The following CNTN3 variants were observed in gnomAD, a reference collection of about 807,000 sequenced individuals.
CNTN3 encodes the protein contactin 3.
In CNTN3, 60 loss-of-function variants were observed where a neutral mutation model predicts 119.1. That is an observed-to-expected ratio of 0.50 (90% CI 0.41 to 0.62). The LOEUF (loss-of-function observed/expected upper bound fraction) is 0.62. Ranked by LOEUF, CNTN3 falls within the 20% of genes least tolerant of loss-of-function variation. The pLI, the probability that CNTN3 is intolerant of heterozygous loss-of-function variation, is 0.00. For missense variants in CNTN3, 1,101 were observed against 1,242.4 expected (o/e 0.89, Z 1.71); for synonymous variants, 450 against 438.7 (o/e 1.03, Z -0.32).
At chr3:74,293,634 C>A (rs1335172102) in intron 19 of CNTN3, among the ~76,000 whole-genome samples, 1 of 152,110 alleles carries the variant, frequency 6.6e-6, no homozygotes, top group Admixed American at 6.6e-5. Context: ...GTCACCATGC[C>A]TGGCTAATTT....
chr3:74,475,710 T>TG (rs1702642054), intron 4 of CNTN3, among the ~76,000 whole-genome samples: 1 of 152,186 alleles, frequency 6.6e-6, no homozygotes. Context: ...ATACAGTCAA[T>TG]TTTTCTTCTT....
At chr3:74,514,999 T>C (rs1703427695) in intron 2 of CNTN3, among the ~76,000 whole-genome samples, 1 of 152,040 alleles carries the variant, frequency 6.6e-6, no homozygotes, top group Admixed American at 6.6e-5. Context: ...AAATGGTCCT[T>C]AGAAATGAAT....
At chr3:74,318,037 C>A (rs1478745556) in intron 13 of CNTN3, among the ~76,000 whole-genome samples, 1 of 152,158 alleles carries the variant, frequency 6.6e-6, no homozygotes. Flanking sequence ...TTGTTCGTTT[C>A]TTTCTATTCT....
At chr3:74,435,124 C>T (rs1701845324) in intron 4 of CNTN3, among the ~76,000 whole-genome samples, 1 of 152,224 alleles carries the variant, frequency 6.6e-6, no homozygotes, top group East Asian at 1.9e-4. Context: ...TTTCTCTTCC[C>T]ATTTATCTCT....
chr3:74,612,792 C>T (rs1355411746), intron 1 of CNTN3, among the ~76,000 whole-genome samples: 1 of 152,202 alleles, frequency 6.6e-6, no homozygotes, highest in African/African-American at 2.4e-5. Flanking sequence ...CCCAACCCCA[C>T]TCTTTATTAT....
At chr3:74,470,660 T>A (rs1360330886) in intron 4 of CNTN3, among the ~76,000 whole-genome samples, 1 of 152,060 alleles carries the variant, frequency 6.6e-6, no homozygotes, top group Non-Finnish European at 1.5e-5. Flanking sequence ...CGAAACTAGG[T>A]GGAATAGAAA....
chr3:74,334,718 A>G lies in CNTN3; in HGVS notation c.1668+17T>C. Reference sequence around the variant, plus strand: ...CACATGCAATATAAAAAGTATGAGGAAAGTGCCACAACTTACCCCACCAAC... The same window carrying G: ...CACATGCAATATAAAAAGTATGAGGGAAGTGCCACAACTTACCCCACCAAC... On this transcript the variant is annotated intron_variant, in intron 13 of 22. Transcript: ENST00000263665. 1 of 1,607,964 alleles carries G rather than the reference A, an allele frequency of 6.2e-7. No homozygotes were observed. The highest frequency in any genetic ancestry group is 8.5e-7 in the Non-Finnish European group (1 of 1,175,958).
chr3:74,314,020 T>A (rs1225027889), intron 13 of CNTN3, among the ~76,000 whole-genome samples: 5 of 152,214 alleles, frequency 3.3e-5, no homozygotes, highest in Non-Finnish European at 7.3e-5. Context: ...TTTAATTTCC[T>A]TCAACTCCAA....
chr3:74,517,138 A>C (rs1703463898), intron 2 of CNTN3, among the ~76,000 whole-genome samples: 1 of 151,934 alleles, frequency 6.6e-6, no homozygotes, highest in Non-Finnish European at 1.5e-5. Flanking sequence ...GAATCCATCT[A>C]GGAGAGGGAC....
chr3:74,347,650 C>G (rs988275537), intron 11 of CNTN3, among the ~76,000 whole-genome samples: 1 of 152,152 alleles, frequency 6.6e-6, no homozygotes, highest in Non-Finnish European at 1.5e-5. Flanking sequence ...CTTATGCAAG[C>G]TCCATGAAGA....
At chr3:74,299,454 T>G (rs1702409389) in intron 17 of CNTN3, among the ~76,000 whole-genome samples, 1 of 152,116 alleles carries the variant, frequency 6.6e-6, no homozygotes, top group Admixed American at 6.5e-5. Context: ...CACAGCTGCT[T>G]GGAAAGTCAT....
chr3:74,381,385 C>G (rs187774030), intron 5 of CNTN3, among the ~76,000 whole-genome samples: 29 of 152,098 alleles, frequency 1.9e-4, no homozygotes, highest in Admixed American at 1.8e-3. Flanking sequence ...GCAAAATAAA[C>G]ATGACAAAAA....
At chr3:74,581,917 ATCTT>A (rs1310449639) in intron 1 of CNTN3, among the ~76,000 whole-genome samples, 1 of 152,216 alleles carries the variant, frequency 6.6e-6, no homozygotes, top group Non-Finnish European at 1.5e-5. Flanking sequence ...ATTATCCTCA[ATCTT>A]TATGTTACTT....
chr3:74,319,991 TG>T (rs1702944821), intron 13 of CNTN3, among the ~76,000 whole-genome samples: 1 of 152,192 alleles, frequency 6.6e-6, no homozygotes, highest in Non-Finnish European at 1.5e-5. Flanking sequence ...CCAGTTAGAA[TG>T]GCGATCATTA....
At chr3:74,493,524 G>A (rs990757855) in intron 3 of CNTN3, among the ~76,000 whole-genome samples, 6 of 152,090 alleles carry the variant, frequency 3.9e-5, no homozygotes, top group Non-Finnish European at 1.5e-5. Context: ...AATAACTTAC[G>A]AAAATTTGGG....
At chr3:74,324,374 G>T (rs1237100377) in intron 13 of CNTN3, among the ~76,000 whole-genome samples, 1 of 152,100 alleles carries the variant, frequency 6.6e-6, no homozygotes, top group African/African-American at 2.4e-5. Flanking sequence ...ACCTCGCCCA[G>T]GTAATTTTTA....
intron 5 of CNTN3, among the ~76,000 whole-genome samples, chr3:74,371,940 G>C (rs1355490325): frequency 6.6e-6 from 1 of 152,024 alleles, no homozygotes; most frequent in Non-Finnish European, 1.5e-5. Context: ...TCTCTGTCCT[G>C]TCTTTGGCTT....
intron 1 of CNTN3, among the ~76,000 whole-genome samples, chr3:74,589,873 C>T (rs888438401): frequency 2.0e-4 from 30 of 148,734 alleles, no homozygotes; most frequent in African/African-American, 7.4e-4. Flanking sequence ...AACCAAACAC[C>T]ACATGTTCTC....
intron 11 of CNTN3, among the ~76,000 whole-genome samples, chr3:74,351,702 G>T (rs924510503): frequency 3.3e-5 from 5 of 152,152 alleles, no homozygotes; most frequent in African/African-American, 1.2e-4. Context: ...AAGCTGTCTG[G>T]TGGCTAATAG....
Sources: allele counts gnomAD v4.1 joint callset (sites outside exome capture counted in the v4.1 genomes callset), GRCh38; gene constraint gnomAD v4.1.1; transcripts MANE v1.5; gene names NCBI Gene and HGNC (gene_info 2026-07-23, HGNC 2026-07-21).